The following LRRTM4 variants were observed in gnomAD, a reference collection of about 807,000 sequenced individuals.
LRRTM4 encodes leucine rich repeat transmembrane neuronal 4, also known as leucine-rich repeat transmembrane neuronal protein 4.
LRRTM4 carries 25 observed loss-of-function variants against 47.6 expected under a neutral mutation model. The ratio of observed to expected loss-of-function variants is 0.53; its 90% confidence interval spans 0.38 to 0.73. The LOEUF is 0.73. Among genes scored for constraint, LRRTM4 ranks in the 30% least tolerant of loss-of-function variants. LRRTM4 has a pLI of 0.00. For missense variants in LRRTM4, 638 were observed against 713.4 expected (o/e 0.89, Z 1.20); for synonymous variants, 311 against 269.5 (o/e 1.15, Z -1.51).
intron 3 of LRRTM4, among the ~76,000 whole-genome samples, chr2:76,754,209 A>C (rs1672948734): frequency 6.6e-6 from 1 of 152,184 alleles, no homozygotes; most frequent in Admixed American, 6.5e-5. Context: ...ATTAATTTTA[A>C]AATGAATGTC....
At chr2:76,970,423 T>A (rs1387130826) in intron 3 of LRRTM4, among the ~76,000 whole-genome samples, 1 of 152,022 alleles carries the variant, frequency 6.6e-6, no homozygotes, top group Admixed American at 6.6e-5. Flanking sequence ...TTGGTTTCTT[T>A]CCTATTAAAG....
chr2:76,839,038 T>C (rs941156694), intron 3 of LRRTM4, among the ~76,000 whole-genome samples: 1 of 152,130 alleles, frequency 6.6e-6, no homozygotes, highest in African/African-American at 2.4e-5. Flanking sequence ...AGGAGCCAGA[T>C]TACCTCAAGA....
chr2:77,080,978 C>T (rs931153510), intron 3 of LRRTM4, among the ~76,000 whole-genome samples: 10 of 152,130 alleles, frequency 6.6e-5, no homozygotes, highest in African/African-American at 1.9e-4. Flanking sequence ...AACCAATTCC[C>T]ACAACCCAGC....
chr2:76,900,681 GA>G (rs1673593922), intron 3 of LRRTM4, among the ~76,000 whole-genome samples: 1 of 152,008 alleles, frequency 6.6e-6, no homozygotes, highest in South Asian at 2.1e-4. Flanking sequence ...TAAAGTAACT[GA>G]AAAAAATGGG....
chr2:77,357,164 C>G (rs1051079934), intron 3 of LRRTM4, among the ~76,000 whole-genome samples: 7 of 151,978 alleles, frequency 4.6e-5, no homozygotes, highest in African/African-American at 1.7e-4. Flanking sequence ...TTTCTAATTT[C>G]AAAAAATTTA....
intron 3 of LRRTM4, among the ~76,000 whole-genome samples, chr2:77,026,072 CAAAAT>C (rs1678442509): frequency 1.3e-5 from 2 of 152,078 alleles, no homozygotes; most frequent in Non-Finnish European, 2.9e-5. Context: ...TTGACTAAAA[CAAAAT>C]GTTATTTTCT....
chr2:76,996,879 A>G (rs1677222004), intron 3 of LRRTM4, among the ~76,000 whole-genome samples: 1 of 152,094 alleles, frequency 6.6e-6, no homozygotes, highest in African/African-American at 2.4e-5. Flanking sequence ...TTAGAGGCTC[A>G]CTCCTGCAGA....
chr2:77,519,836 G>A lies in LRRTM4; in HGVS notation c.33C>T (p.Gly11=). Reference sequence around the variant, plus strand: ...GAAGTAGCACCAGCACCACACTCATGCCTTTCAGCTGCGTAATTAAATGGA... The same window carrying A: ...GAAGTAGCACCAGCACCACACTCATACCTTTCAGCTGCGTAATTAAATGGA... MGFHLITQLK[G]MSVVLVLLPT... The change falls in exon 3 of 4, where the codon GGC becomes GGT. Residue 11 remains glycine (G), a synonymous_variant. Transcript: ENST00000409884. The surrounding 1 kb of genome is among the most constrained non-coding windows in gnomAD (Gnocchi z 4.6). The A allele has an allele frequency of 6.2e-7, 1 of 1,607,220 alleles. No homozygotes were observed. Among genetic ancestry groups the A allele is most frequent in the Non-Finnish European group, 8.5e-7 (1 of 1,176,316 alleles).
At chr2:77,284,650 A>C (rs981219311) in intron 3 of LRRTM4, among the ~76,000 whole-genome samples, 2 of 152,146 alleles carry the variant, frequency 1.3e-5, no homozygotes, top group Non-Finnish European at 2.9e-5. Flanking sequence ...TTTTCTTAAG[A>C]TCAACTAGAA....
At chr2:77,008,952 G>GA (rs35868107) in intron 3 of LRRTM4, 63,480 of 144,590 alleles carry the variant, frequency 0.44, 15,282 homozygotes, top group African/African-American at 0.65. Context: ...AAAAAGAAAA[G>GA]AAAAAAAAAA....
At position 77,521,791 on chromosome 2, in the gene LRRTM4, C is replaced by A; in HGVS notation, c.-120G>T. Reference sequence around the variant, plus strand: ...GCTGTCATTCACACCATTCTGATCCCGCATGTGAGCTAGTAGCCCCATACA... The same window carrying A: ...GCTGTCATTCACACCATTCTGATCCAGCATGTGAGCTAGTAGCCCCATACA... On this transcript the variant is annotated 5_prime_UTR_variant, in exon 2 of 4. Coordinates refer to ENST00000409884, the MANE Select transcript of LRRTM4 (RefSeq NM_001134745.3). 1.9e-6 allele frequency: 2 copies of A among 1,032,324 alleles called. No individual in the cohort carries two copies. Among genetic ancestry groups the A allele is most frequent in the Non-Finnish European group, 2.9e-6 (2 of 684,916 alleles). 63.9% of individuals were successfully genotyped at this position (1,032,324 alleles called of 1,614,324 possible).
At chr2:77,057,359 A>C (rs760751744) in intron 3 of LRRTM4, among the ~76,000 whole-genome samples, 1 of 152,220 alleles carries the variant, frequency 6.6e-6, no homozygotes, top group Admixed American at 6.5e-5. Context: ...CTTATCATTG[A>C]AAGCAATTGT....
intron 3 of LRRTM4, among the ~76,000 whole-genome samples, chr2:77,173,591 T>C (rs547651278): frequency 6.6e-6 from 1 of 152,180 alleles, no homozygotes; most frequent in Non-Finnish European, 1.5e-5. Context: ...CTCCTTCCAC[T>C]GTATACTGTC....
chr2:76,977,559 G>C lies in LRRTM4; in HGVS notation c.1552-228643C>G, dbSNP rs993848134. 2.6e-5 allele frequency among the ~76,000 whole-genome samples: 4 copies of C among 151,860 alleles called. 1 individual carries two copies. The highest frequency in any genetic ancestry group is 2.6e-4 in the Admixed American group (4 of 15,210). ...TGAACCAGAAGCCTGTGATTTCCAA[G>C]GTATCTAAAGTTACCTCTCAATGCC... On this transcript the variant is annotated intron_variant, in intron 3 of 3. Transcript: ENST00000409884.
At chr2:77,261,452 G>A (rs541090119) in intron 3 of LRRTM4, among the ~76,000 whole-genome samples, 2 of 152,178 alleles carry the variant, frequency 1.3e-5, no homozygotes, top group Admixed American at 6.6e-5. Context: ...TGTTCGAGAT[G>A]GTGGTGTCAT....
chr2:76,801,581 G>C (rs141426267), intron 3 of LRRTM4, among the ~76,000 whole-genome samples: 1 of 151,916 alleles, frequency 6.6e-6, no homozygotes, highest in Non-Finnish European at 1.5e-5. Flanking sequence ...GAGTTAGTGG[G>C]TGCAGTGCAC....
chr2:77,118,229 GA>G (rs1558589028), intron 3 of LRRTM4, among the ~76,000 whole-genome samples: 2 of 151,184 alleles, frequency 1.3e-5, no homozygotes, highest in East Asian at 3.9e-4. Context: ...CGTTGTTTGG[GA>G]AAAAAAGCCA....
At chr2:76,779,159 C>T (rs1022820936) in intron 3 of LRRTM4, among the ~76,000 whole-genome samples, 4 of 151,906 alleles carry the variant, frequency 2.6e-5, no homozygotes, top group African/African-American at 9.7e-5. Flanking sequence ...TTTACATTTG[C>T]TGAGGAGAGC....
At chr2:76,820,650 G>C (rs373799281) in intron 3 of LRRTM4, among the ~76,000 whole-genome samples, 90 of 151,736 alleles carry the variant, frequency 5.9e-4, no homozygotes, top group African/African-American at 1.9e-3. Flanking sequence ...TTTGCCTATA[G>C]AGAATTACTT....
Sources: allele counts gnomAD v4.1 joint callset (sites outside exome capture counted in the v4.1 genomes callset), GRCh38; gene constraint gnomAD v4.1.1; non-coding constraint Gnocchi (gnomAD v3.1); transcripts MANE v1.5; gene names NCBI Gene and HGNC (gene_info 2026-07-23, HGNC 2026-07-21).